The following ADCY9 variants were observed in gnomAD, a reference collection of about 807,000 sequenced individuals.
ADCY9 encodes the protein adenylate cyclase 9, also known as adenylate cyclase type 9.
A neutral mutation model predicts 101.5 loss-of-function variants in ADCY9; 50 were observed. The ratio of observed to expected loss-of-function variants is 0.49; its 90% CI spans 0.39 to 0.62. ADCY9 has a LOEUF of 0.62. Among genes scored for constraint, ADCY9 ranks in the 20% least tolerant of loss-of-function variants. The pLI, the probability that ADCY9 is intolerant of heterozygous loss-of-function variation, is 0.00. For synonymous variants in ADCY9, 905 were observed against 769.3 expected (o/e 1.18, Z -2.92); for missense variants, 1,662 against 1,800.4 (o/e 0.92, Z 1.39).
intron 2 of ADCY9, among the ~76,000 whole-genome samples, chr16:4,113,336 G>T (rs950536060): frequency 1.3e-5 from 2 of 152,072 alleles, no homozygotes; most frequent in Non-Finnish European, 2.9e-5. Context: ...CCACGTTTTC[G>T]CAAAAAGGGC....
In ADCY9 at chr16:4,115,463, G is replaced by A. The variant is rs1416365810; in HGVS notation, c.-21C>T. 1 of 1,510,350 alleles carries A rather than the reference G, an allele frequency of 6.6e-7. No homozygotes were observed. Among genetic ancestry groups the A allele is most frequent in the East Asian group, 2.5e-5 (1 of 40,780 alleles). The allele number at this position is 1,510,350 out of a possible 1,614,324, so 93.6% of individuals were successfully genotyped here. A position where few individuals can be genotyped will look rare whatever the true frequency, so the allele number is the denominator to read the frequency against. On this transcript the variant is annotated 5_prime_UTR_variant, in exon 2 of 11. Coordinates refer to ENST00000294016, the MANE Select transcript of ADCY9 (RefSeq NM_001116.4). This position sits in a 1 kb window ranked among gnomAD's most constrained non-coding sequence, Gnocchi z 6.2. ...GCCATGTTGTCGAGTCCCGGGGCCT[G>A]CCCCGGCCGGGGTCACCAGTACCTG...
In ADCY9 at chr16:3,966,094, T is replaced by G. The variant is rs1465567691; in HGVS notation, c.3743A>C (p.His1248Pro). The change falls in exon 11 of 11, where the codon CAC becomes CCC. Residue 1248 changes from histidine (H) to proline (P), a missense_variant. Transcript: ENST00000294016. Reference sequence around the variant, plus strand: ...CAGCTGGTGCTGTGGGATGACCCTGTGATCCGTGCACTTTGGGTACAGGTA... The same window carrying G: ...CAGCTGGTGCTGTGGGATGACCCTGGGATCCGTGCACTTTGGGTACAGGTA... ...KTYLYPKCTD[H>P]RVIPQHQLSI... is the part of the protein sequence containing the mutation. 1 of 1,614,240 alleles carries G rather than the reference T, an allele frequency of 6.2e-7. No homozygotes were observed. Among genetic ancestry groups the G allele is most frequent in the South Asian group, 1.1e-5 (1 of 91,086 alleles).
At chr16:4,103,551 C>T (rs1391037358) in intron 2 of ADCY9, among the ~76,000 whole-genome samples, 1 of 152,118 alleles carries the variant, frequency 6.6e-6, no homozygotes, top group Non-Finnish European at 1.5e-5. Flanking sequence ...CCTGATGGGC[C>T]GGGCATAGTG....
chr16:3,994,442 C>CTT (rs1483619816), intron 3 of ADCY9, among the ~76,000 whole-genome samples: 3 of 152,178 alleles, frequency 2.0e-5, no homozygotes, highest in Admixed American at 6.5e-5. Flanking sequence ...GAACTGTACA[C>CTT]TTTAAAAAGA....
At chr16:4,049,389 G>C (rs975429818) in intron 2 of ADCY9, among the ~76,000 whole-genome samples, 1 of 152,094 alleles carries the variant, frequency 6.6e-6, no homozygotes, top group African/African-American at 2.4e-5. Flanking sequence ...ACCCACCACC[G>C]ACACTGGCAC....
At chr16:3,982,528 G>T (rs1321289095) in intron 7 of ADCY9, 1 of 152,278 alleles carries the variant, frequency 6.6e-6, no homozygotes, top group Admixed American at 6.5e-5. Context: ...CCCCCTCAGG[G>T]AGCCAGGCTG....
intron 2 of ADCY9, among the ~76,000 whole-genome samples, chr16:4,098,379 G>A (rs1597225049): frequency 6.6e-6 from 1 of 151,936 alleles, no homozygotes; most frequent in Admixed American, 6.6e-5. Context: ...GACTACAGGT[G>A]CACGCCACCA....
intron 2 of ADCY9, among the ~76,000 whole-genome samples, chr16:4,088,963 G>A (rs1005306589): frequency 2.8e-4 from 42 of 151,976 alleles, no homozygotes; most frequent in African/African-American, 8.4e-4. Context: ...CATACCCATC[G>A]GCGGTCACCT....
chr16:4,042,214 C>T (rs530655374), intron 2 of ADCY9, among the ~76,000 whole-genome samples: 6 of 152,146 alleles, frequency 3.9e-5, no homozygotes, highest in South Asian at 2.1e-4. Context: ...TGAGCCACGG[C>T]GCCCAGCTGA....
chr16:4,073,279 G>A (rs533155988), intron 2 of ADCY9, among the ~76,000 whole-genome samples: 19 of 151,694 alleles, frequency 1.3e-4, no homozygotes, highest in South Asian at 8.3e-4. Flanking sequence ...TAGAGACGGG[G>A]TTTCGCCTTG....
At chr16:3,986,560 C>A (rs957774087) in intron 6 of ADCY9, among the ~76,000 whole-genome samples, 1 of 152,170 alleles carries the variant, frequency 6.6e-6, no homozygotes, top group Non-Finnish European at 1.5e-5. Flanking sequence ...CGGGTTCAGG[C>A]GATTTTCCTG....
intron 5 of ADCY9, among the ~76,000 whole-genome samples, chr16:3,956,503 T>TTTTTTTTTTTTTTTTTG (rs55792938): frequency 1.4e-5 from 1 of 69,572 alleles, no homozygotes; most frequent in African/African-American, 4.0e-5. Context: ...TTTTTTTTTT[T>TTTTTTTTTTTTTTTTTG]GGGGGGGGAT....
chr16:4,031,253 G>T (rs771886956), intron 2 of ADCY9, among the ~76,000 whole-genome samples: 1 of 152,196 alleles, frequency 6.6e-6, no homozygotes, highest in Non-Finnish European at 1.5e-5. Context: ...GTTCATAGGA[G>T]ATACATGCTG....
At chr16:4,077,064 T>G (rs768027855) in intron 2 of ADCY9, among the ~76,000 whole-genome samples, 1 of 131,218 alleles carries the variant, frequency 7.6e-6, no homozygotes, top group Non-Finnish European at 1.6e-5. Flanking sequence ...GGGACAAGGT[T>G]GAGACTTCGT....
Position 3,966,321 on chromosome 16 carries a change from GA to G in ADCY9, c.3515del (p.Leu1172ProfsTer37). The G allele has an allele frequency of 6.2e-7, 1 of 1,614,090 alleles. No individual in the cohort carries two copies. ...KLRVGFNHGP[L>X]TAGVIGTTKL... ...TGGTGGTGCCGATGACCCCGGCCGT[GA>G]GGGGCCCATGGTTGAAGCCGACGCG... On this transcript the variant is annotated frameshift_variant, in exon 11 of 11. Coordinates refer to ENST00000294016, the MANE Select transcript of ADCY9 (RefSeq NM_001116.4). LOFTEE classifies it high-confidence loss of function.
rs539707575 is a variant in ADCY9, at chr16:4,041,576, T to C, written c.1694-34018A>G. On this transcript the variant is annotated intron_variant, in intron 2 of 10. Coordinates refer to ENST00000294016, the MANE Select transcript of ADCY9 (RefSeq NM_001116.4). ...ATCTATTGCTAAATTCAAGGAAGACTTGATTGCAGTAGCATTTAACTCTGG... is the reference window on the plus strand; with the variant it reads ...ATCTATTGCTAAATTCAAGGAAGACCTGATTGCAGTAGCATTTAACTCTGG... Among the ~76,000 whole-genome samples the C allele has an allele frequency of 2.0e-5, 3 of 151,276 alleles. No individual in the cohort carries two copies. In the South Asian group the frequency reaches 6.3e-4, roughly 32 times the overall value.
chr16:4,012,274 G>T (rs558906835), intron 2 of ADCY9, among the ~76,000 whole-genome samples: 25 of 152,212 alleles, frequency 1.6e-4, no homozygotes, highest in African/African-American at 6.0e-4. Context: ...AACCAGAAGG[G>T]TTATCACCCT....
downstream of ADCY9, among the ~76,000 whole-genome samples, chr16:3,958,673 C>CTTTTTTTTT (rs1207846349): frequency 0.011 from 1,181 of 102,940 alleles, 167 homozygotes; most frequent in African/African-American, 0.038. Flanking sequence ...TCGTCGGTTA[C>CTTTTTTTTT]TTTTTTTTTT....
rs375249338 is a variant in ADCY9 at position 3,996,578 on chromosome 16, A to G, written c.1885-3068T>C. Among the ~76,000 whole-genome samples the G allele has an allele frequency of 2.5e-4, 38 of 152,332 alleles. No individual in the cohort carries two copies. In the East Asian group the frequency reaches 6.0e-3, roughly 24 times the overall value. ...CATTTCAGGGCCCAACCGGTAGACC[A>G]GGAAAGGAAGCTGGAGGTGTGGAAG... On this transcript the variant is annotated intron_variant, in intron 3 of 10. Coordinates refer to ENST00000294016, the MANE Select transcript of ADCY9 (RefSeq NM_001116.4).
Sources: allele counts gnomAD v4.1 joint callset (sites outside exome capture counted in the v4.1 genomes callset), GRCh38; gene constraint gnomAD v4.1.1; non-coding constraint Gnocchi (gnomAD v3.1); transcripts MANE v1.5; gene names NCBI Gene and HGNC (gene_info 2026-07-23, HGNC 2026-07-21).